The following ZNF626 variants were observed in gnomAD, a reference collection of about 807,000 sequenced individuals.
ZNF626 encodes the protein CTC-513N18.7.
ZNF626 carries 4 observed loss-of-function variants against 11.7 expected under a neutral mutation model. The ratio of observed to expected loss-of-function variants is 0.34; its 90% confidence interval spans 0.17 to 0.78. ZNF626 has a LOEUF of 0.78. ZNF626 is among the 30% of genes least tolerant of loss of function. The pLI, the probability that ZNF626 is intolerant of heterozygous loss-of-function variation, is 0.57. For missense variants in ZNF626, 588 were observed against 587.1 expected, an observed-to-expected ratio of 1.00 and a Z score of -0.01; for synonymous variants, 179 against 198.6, an observed-to-expected ratio of 0.90 and a Z score of 0.83.
chr19:20,632,447 T>C (rs1184705804), intron 3 of ZNF626, among the ~76,000 whole-genome samples: 2 of 152,198 alleles, frequency 1.3e-5, no homozygotes, highest in Admixed American at 6.5e-5. Flanking sequence ...GATTTGGTCT[T>C]TTCACATAGT....
intron 1 of ZNF626, among the ~76,000 whole-genome samples, chr19:20,659,075 C>T (rs893071478): frequency 1.1e-4 from 17 of 152,162 alleles, no homozygotes; most frequent in African/African-American, 4.1e-4. Context: ...ATAAAATTCT[C>T]CACCTTTTGT....
intron 3 of ZNF626, among the ~76,000 whole-genome samples, chr19:20,633,588 G>A (rs1969933228): frequency 6.6e-6 from 1 of 152,210 alleles, no homozygotes; most frequent in Admixed American, 6.5e-5. Flanking sequence ...GACCCTCTGA[G>A]CTGGGTGAGG....
intron 1 of ZNF626, among the ~76,000 whole-genome samples, chr19:20,656,165 A>G (rs1970203079): frequency 2.0e-5 from 3 of 152,310 alleles, no homozygotes; most frequent in Non-Finnish European, 4.4e-5. Flanking sequence ...GATTTTTGAC[A>G]AAGCTGACAA....
Position 20,625,230 on chromosome 19 carries a change from A to G in ZNF626, c.647T>C (p.Leu216Pro), listed in dbSNP as rs782121211. The G allele has an allele frequency of 6.2e-7, 1 of 1,613,482 alleles. No homozygotes were observed. The highest frequency in any genetic ancestry group is 1.1e-5 in the South Asian group (1 of 91,062). ...CGKAFNHSCS[L>P]TRHKKIHTGE... ...AGTATGAATTTTCTTATGTCTAGTA[A>G]GGCTACAAGAGTGGTTAAAGGCTTT... The change falls in exon 4 of 4, where the codon CTT (leucine) becomes CCT (proline). Residue 216 changes from leucine (L) to proline (P), a missense_variant. Leu to Pro is a moderately conservative substitution (Grantham distance 98). Coordinates refer to ENST00000601440, the MANE Select transcript of ZNF626 (RefSeq NM_001076675.3).
At chr19:20,656,075 T>G (rs1308893001) in intron 1 of ZNF626, among the ~76,000 whole-genome samples, 1 of 152,086 alleles carries the variant, frequency 6.6e-6, no homozygotes, top group African/African-American at 2.4e-5. Flanking sequence ...GAGAGAAAGA[T>G]ATATGAAATC....
chr19:20,635,669 A>G (rs1381240456), intron 3 of ZNF626, among the ~76,000 whole-genome samples: 3 of 152,220 alleles, frequency 2.0e-5, no homozygotes, highest in African/African-American at 7.2e-5. Context: ...CACATAACGC[A>G]TAAGTAAAAA....
At chr19:20,655,592 G>GA (rs1555773029) in intron 1 of ZNF626, among the ~76,000 whole-genome samples, 1 of 152,068 alleles carries the variant, frequency 6.6e-6, no homozygotes, top group Non-Finnish European at 1.5e-5. Context: ...AACAAGCAGA[G>GA]AAAAATATCT....
chr19:20,627,304 G>C lies in ZNF626; in HGVS notation c.227-1654C>G, dbSNP rs180987705. On this transcript the variant is annotated intron_variant, in intron 3 of 3. Coordinates refer to ENST00000601440, the MANE Select transcript of ZNF626 (RefSeq NM_001076675.3). The stretch of plus-strand genomic sequence containing the variant: ...AGATAAGAAGAGAATTTTAGGAGCT[G>C]TAATGTAGGCAGATGTAATGATGAA... 2.5e-3 allele frequency among the ~76,000 whole-genome samples: 355 copies of C among 141,470 alleles called. 1 individual carries two copies. Among genetic ancestry groups the C allele is most frequent in the African/African-American group, 9.5e-3 (342 of 35,846 alleles). 92.8% of individuals were successfully genotyped at this position (141,470 alleles called of 152,430 possible). A position where few individuals can be genotyped will look rare whatever the true frequency, so the allele number is the denominator to read the frequency against.
rs532327285 is a variant in ZNF626, at chr19:20,635,249, T to C, written c.227-9599A>G. On this transcript the variant is annotated intron_variant, in intron 3 of 3. Transcript: ENST00000601440. ...GATGAATTGGTAGTTGTTTAATGTG[T>C]AGTGAGATTTAGCTTTGCAAGATAA... Among the ~76,000 whole-genome samples, 40 of 152,330 alleles carry C rather than the reference T, an allele frequency of 2.6e-4. 1 individual carries two copies. The highest frequency in any genetic ancestry group is 9.6e-4 in the African/African-American group (40 of 41,574).
At chr19:20,629,751 C>T (rs2144767995) in intron 3 of ZNF626, among the ~76,000 whole-genome samples, 1 of 152,224 alleles carries the variant, frequency 6.6e-6, no homozygotes, top group Admixed American at 6.5e-5. Flanking sequence ...TCCTCTTTTC[C>T]TAATTGAATA....
intron 1 of ZNF626, among the ~76,000 whole-genome samples, 199 bp from the exon 2 acceptor site, chr19:20,646,604 CACA>C (rs1970081554): frequency 6.6e-6 from 1 of 152,074 alleles, no homozygotes; most frequent in Admixed American, 6.6e-5. Context: ...GCATAAGATC[CACA>C]ACATCAATTC....
At chr19:20,626,475 C>T (rs190901696) in intron 3 of ZNF626, among the ~76,000 whole-genome samples, 1 of 152,242 alleles carries the variant, frequency 6.6e-6, no homozygotes, top group Admixed American at 6.5e-5. Context: ...TCCCAACACA[C>T]TAGGGGGCCA....
At chr19:20,626,031 C>T (rs186639397) in intron 3 of ZNF626, among the ~76,000 whole-genome samples, 28 of 152,108 alleles carry the variant, frequency 1.8e-4, no homozygotes, top group Admixed American at 3.9e-4. Flanking sequence ...GGGAGGCTGA[C>T]GTGGGTGGAT....
intron 3 of ZNF626, among the ~76,000 whole-genome samples, chr19:20,629,815 G>A (rs1236154220): frequency 3.3e-5 from 5 of 152,130 alleles, no homozygotes; most frequent in African/African-American, 9.7e-5. Context: ...CCAACACTAT[G>A]TTGAATAGGA....
At chr19:20,633,470 AAAC>A (rs1969931386) in intron 3 of ZNF626, among the ~76,000 whole-genome samples, 1 of 152,148 alleles carries the variant, frequency 6.6e-6, no homozygotes, top group South Asian at 2.1e-4. Flanking sequence ...TTACCTAATC[AAAC>A]AACTAACTCG....
chr19:20,646,449 C>A (rs375986996), intron 1 of ZNF626, 44 bp from the exon 2 acceptor site: 4 of 1,612,104 alleles, frequency 2.5e-6, no homozygotes, highest in Non-Finnish European at 3.4e-6. Context: ...TGGCCATGGG[C>A]GGAATTTTTA....
chr19:20,650,258 C>A (rs912366014), intron 1 of ZNF626, among the ~76,000 whole-genome samples: 6 of 138,394 alleles, frequency 4.3e-5, no homozygotes, highest in Admixed American at 1.5e-4. Flanking sequence ...AAAAAAAAAA[C>A]CATAAAAAAT....
intron 1 of ZNF626, among the ~76,000 whole-genome samples, chr19:20,659,095 G>A (rs2144798160): frequency 6.6e-6 from 1 of 152,270 alleles, no homozygotes; most frequent in South Asian, 2.1e-4. Flanking sequence ...TGTGCTCCAG[G>A]AACAGTATAC....
chr19:20,624,338 ATTC>A lies in ZNF626; in HGVS notation c.1536_1538del (p.Lys512del). The A allele has an allele frequency of 6.8e-7, 1 of 1,470,624 alleles. No homozygotes were observed. 91.1% of individuals were successfully genotyped at this position (1,470,624 alleles called of 1,614,324 possible). A position where few individuals can be genotyped will look rare whatever the true frequency, so the allele number is the denominator to read the frequency against. ...GAGGACCGCTTGAAGGCTTTGCCAC[ATTC>A]TTCACATTTGTAGAATTTCTCTCCA... is the stretch of plus-strand genomic sequence containing the variant. On this transcript the variant is annotated inframe_deletion, in exon 4 of 4. Transcript: ENST00000601440.
Sources: gnomAD v4.1 joint callset for allele counts (sites outside exome capture counted in the v4.1 genomes callset) on GRCh38, gnomAD v4.1.1 for gene constraint, MANE v1.5 for transcripts, NCBI Gene and HGNC (gene_info 2026-07-23, HGNC 2026-07-21) for gene names.